Variants in FLG observed in about 807,000 individuals in gnomAD.
FLG encodes the protein epidermal filaggrin.
In FLG, 6 loss-of-function variants were observed where a neutral mutation model predicts 3.8. The observed-to-expected ratio is 1.60, with a 90% confidence interval of 0.87 to 3.15. The LOEUF is 3.15. Ranked by LOEUF, FLG falls within the 30% of genes most tolerant of loss-of-function variation. The pLI is 0.00. For missense variants in FLG, 7,595 were observed against 5,050.9 expected (o/e 1.50, Z -15.27); for synonymous variants, 2,551 against 1,931.6 (o/e 1.32, Z -8.41).
At position 152,304,788 on chromosome 1, in the gene FLG, C is replaced by A. The variant is rs763319301; in HGVS notation, c.10098G>T (p.Gln3366His). 3.7e-6 allele frequency: 6 copies of A among 1,613,892 alleles called. No homozygotes were observed. The South Asian group carries it at 6.6e-5, about 18-fold the overall frequency. ...SGHGQAGPHQ[Q>H]SHQESARDRS... ...GGTCACGTGCGGACTCTTGGTGGCT[C>A]TGCTGATGGGGCCCAGCCTGTCCAT... is the stretch of plus-strand genomic sequence containing the variant. Residue 3366 changes from glutamine to histidine, a missense_variant, in exon 3 of 3, where the codon CAG becomes CAT. Gln to His is a conservative substitution (Grantham distance 24). Coordinates refer to ENST00000368799, the MANE Select transcript of FLG (RefSeq NM_002016.2).
intron 1 of FLG, among the ~76,000 whole-genome samples, chr1:152,315,841 C>T (rs1012579491): frequency 3.9e-5 from 6 of 152,118 alleles, no homozygotes; most frequent in Non-Finnish European, 7.4e-5. Flanking sequence ...TACAAATTTA[C>T]TGAAAATTAC....
chr1:152,303,170 G>A lies in FLG; in HGVS notation c.11716C>T (p.His3906Tyr). Residue 3906 changes from histidine to tyrosine, a missense_variant, in exon 3 of 3, where the codon CAC (histidine) becomes TAC (tyrosine). His to Tyr is a moderately conservative substitution (Grantham distance 83). Transcript: ENST00000368799. ...RDGSRHPGSSHRDTASHVQSS... is the reference protein window; with the variant it reads ...RDGSRHPGSSYRDTASHVQSS... ...TGTACATGACTGGCTGTATCGCGGT[G>A]AGAGGATCCGGGGTGTCTGGAGCCA... 6.2e-7 allele frequency: 1 copy of A among 1,614,196 alleles called. No individual in the cohort carries two copies. Among genetic ancestry groups the A allele is most frequent in the East Asian group, 2.2e-5 (1 of 44,884 alleles).
chr1:152,310,809 G>C lies in FLG; in HGVS notation c.4077C>G (p.Ser1359=), dbSNP rs1652356287. 1 of 1,611,806 alleles carries C rather than the reference G, an allele frequency of 6.2e-7. No individual in the cohort carries two copies. Among genetic ancestry groups the C allele is most frequent in the African/African-American group, 1.3e-5 (1 of 74,838 alleles). ...AGCTGTCTGCTGACTGCTGGTGGCGGGATCCATGTCTTTCTCCTGGACTTG... is the reference window on the plus strand; with the variant it reads ...AGCTGTCTGCTGACTGCTGGTGGCGCGATCCATGTCTTTCTCCTGGACTTG... ...ARSSPGERHG[S]RHQQSADSSR... Residue 1359 remains serine (S), a synonymous_variant, in exon 3 of 3, where the codon TCC becomes TCG. Transcript: ENST00000368799.
rs1372192858 is a variant in FLG at position 152,303,814 on chromosome 1, C to T, written c.11072G>A (p.Ser3691Asn). The T allele has an allele frequency of 2.5e-6, 4 of 1,613,610 alleles. No homozygotes were observed. In the South Asian group the frequency reaches 3.3e-5, roughly 13 times the overall value. ...CCGGCCACGTGTGGACTCTTGGTGG[C>T]TCTGCTGATGGGGCCCAGCCTGTCC... ...AHGQAGPHQQ[S>N]HQESTRGRSA... The change falls in exon 3 of 3, where the codon AGC (serine) becomes AAC (asparagine). Residue 3691 changes from serine (S) to asparagine (N), a missense_variant. Transcript: ENST00000368799.
chr1:152,311,376 C>A lies in FLG; in HGVS notation c.3510G>T (p.Gly1170=). ...ATCCCTGCCTTCCTCCTCTCCTTGA[C>A]CCCGGGTGTGCACGAATGGTGTCCT... ...EGQDTIRAHP[G]SRRGGRQGSH... Residue 1170 remains glycine, a synonymous_variant, in exon 3 of 3, where the codon GGG becomes GGT. Coordinates refer to ENST00000368799, the MANE Select transcript of FLG (RefSeq NM_002016.2). 1.2e-6 allele frequency: 2 copies of A among 1,613,668 alleles called. No individual in the cohort carries two copies. Among genetic ancestry groups the A allele is most frequent in the Non-Finnish European group, 1.7e-6 (2 of 1,179,958 alleles).
Position 152,308,761 on chromosome 1 carries a change from CT to C in FLG, c.6124del (p.Ser2042ValfsTer53). On this transcript the variant is annotated frameshift_variant, in exon 3 of 3. Transcript: ENST00000368799. LOFTEE classifies it low-confidence loss of function (END_TRUNC). ...ATGTCCCTCACTGTCACTGGCCTGA[CT>C]ACCACTGTACCCTCGGTGTCCACTG... is the stretch of plus-strand genomic sequence containing the variant. ...RDSGHRGYSG[S>X]QASDSEGHSE... 1 of 1,614,184 alleles carries C rather than the reference CT, an allele frequency of 6.2e-7. No individual in the cohort carries two copies. The highest frequency in any genetic ancestry group is 1.3e-5 in the African/African-American group (1 of 75,054).
At position 152,309,993 on chromosome 1, in the gene FLG, C is replaced by T. The variant is rs376924209; in HGVS notation, c.4893G>A (p.Arg1631=). The T allele has an allele frequency of 2.7e-5, 44 of 1,613,758 alleles. No homozygotes were observed. The African/African-American group carries it at 3.1e-4, about 11-fold the overall frequency. The part of the protein sequence containing the change: ...SAREQSRHGS[R]NPRSHQEDRA... The stretch of plus-strand genomic sequence containing the variant: ...TATCTTCTTGATGGGACCTGGGGTT[C>T]CTGGAGCCATGTCTTGACTGCTCCC... Residue 1631 remains arginine, a synonymous_variant, in exon 3 of 3, where the codon AGG becomes AGA. Transcript: ENST00000368799.
rs756397270 is a variant in FLG, at chr1:152,312,337, C to T, written c.2549G>A (p.Arg850Lys). 10 of 1,612,822 alleles carry T rather than the reference C, an allele frequency of 6.2e-6. No individual in the cohort carries two copies. In the Middle Eastern group the frequency reaches 5.0e-4, roughly 80 times the overall value. ...CTCGTGGTGGGACCCCTGCCTTCCT[C>T]TTCTGCTTGACCCCGGGTGTCCACG... ...TIRGHPGSSR[R>K]GRQGSHHEQS... is the part of the protein sequence containing the mutation. Residue 850 changes from arginine (R) to lysine (K), a missense_variant, in exon 3 of 3, where the codon AGA becomes AAA. Arg to Lys is a conservative substitution (Grantham distance 26). Coordinates refer to ENST00000368799, the MANE Select transcript of FLG (RefSeq NM_002016.2).
In FLG at chr1:152,313,587, G is replaced by A. The variant is rs759739224; in HGVS notation, c.1299C>T (p.Asp433=). ...SDSEGHSENS[D]TQSVSGHGKA... ...TTCCGTGGCCTGACACTGATTGTGT[G>A]TCTGAGTTTTCTGAATGTCCCTCAC... Residue 433 remains aspartate, a synonymous_variant, in exon 3 of 3, where the codon GAC becomes GAT. Transcript: ENST00000368799. 38 of 1,613,812 alleles carry A rather than the reference G, an allele frequency of 2.4e-5. No individual in the cohort carries two copies. The Middle Eastern group carries it at 6.6e-4, about 28-fold the overall frequency.
Position 152,311,194 on chromosome 1 carries a change from C to T in FLG, c.3692G>A (p.Arg1231Lys), listed in dbSNP as rs112344919. The T allele has an allele frequency of 1.9e-6, 3 of 1,613,834 alleles. No individual in the cohort carries two copies. The highest frequency in any genetic ancestry group is 2.2e-5 in the East Asian group (1 of 44,800). The change falls in exon 3 of 3, where the codon AGG becomes AAG. Residue 1231 changes from arginine to lysine, a missense_variant. Physicochemically the swap from Arg to Lys is conservative, Grantham distance 26 (BLOSUM62 2). Coordinates refer to ENST00000368799, the MANE Select transcript of FLG (RefSeq NM_002016.2). ...RKDKQSGDGS[R>K]HSGSRHHEAA... ...TTCATGGTGACGTGACCCTGAGTGC[C>T]TGGAGCCGTCTCCTGATTGTTTGTC... is the stretch of plus-strand genomic sequence containing the variant.
chr1:152,318,677 C>T (rs1002260036), intron 1 of FLG, among the ~76,000 whole-genome samples: 2 of 151,868 alleles, frequency 1.3e-5, no homozygotes, highest in African/African-American at 4.8e-5. Context: ...AACCTTTTCT[C>T]AGAGCTTACA....
chr1:152,309,620 C>G lies in FLG; in HGVS notation c.5266G>C (p.Gly1756Arg). 1 of 1,614,004 alleles carries G rather than the reference C, an allele frequency of 6.2e-7. No individual in the cohort carries two copies. The highest frequency in any genetic ancestry group is 8.5e-7 in the Non-Finnish European group (1 of 1,179,990). ...SHQESTRGQSGERSGRSGSFL... is the reference protein window; with the variant it reads ...SHQESTRGQSRERSGRSGSFL... ...GACCCTGAACGTCCAGACCTTTCCC[C>G]TGACTGGCCACGTGTGGACTCTTGG... Residue 1756 changes from glycine (G) to arginine (R), a missense_variant, in exon 3 of 3, where the codon GGG (glycine) becomes CGG (arginine). Physicochemically the swap from Gly to Arg is moderately radical, Grantham distance 125. Transcript: ENST00000368799.
rs748295741 is a variant in FLG at position 152,310,862 on chromosome 1, C to A, written c.4024G>T (p.Ala1342Ser). Reference sequence around the variant, plus strand: ...CTTGCCTGTTCATGGGATGACACAGCCTGTCCATGAGAGGAAGACTCTGTG... The same window carrying A: ...CTTGCCTGTTCATGGGATGACACAGACTGTCCATGAGAGGAAGACTCTGTG... ...HHTESSSHGQ[A>S]VSSHEQARSS... The change falls in exon 3 of 3, where the codon GCT becomes TCT. Residue 1342 changes from alanine (A) to serine (S), a missense_variant. Coordinates refer to ENST00000368799, the MANE Select transcript of FLG (RefSeq NM_002016.2). The A allele has an allele frequency of 1.9e-6, 3 of 1,613,998 alleles. No individual in the cohort carries two copies. The highest frequency in any genetic ancestry group is 1.1e-5 in the South Asian group (1 of 91,072).
In FLG at chr1:152,310,813, C is replaced by T. The variant is rs375806668; in HGVS notation, c.4073G>A (p.Gly1358Glu). The T allele has an allele frequency of 6.2e-7, 1 of 1,611,988 alleles. No individual in the cohort carries two copies. Among genetic ancestry groups the T allele is most frequent in the Admixed American group, 1.7e-5 (1 of 59,470 alleles). ...QARSSPGERH[G>E]SRHQQSADSS... ...GTCTGCTGACTGCTGGTGGCGGGAT[C>T]CATGTCTTTCTCCTGGACTTGATCT... is the stretch of plus-strand genomic sequence containing the variant. The change falls in exon 3 of 3, where the codon GGA becomes GAA. Residue 1358 changes from glycine (G) to glutamate (E), a missense_variant. Coordinates refer to ENST00000368799, the MANE Select transcript of FLG (RefSeq NM_002016.2).
At chr1:152,321,867 C>A (rs1652989035) in intron 1 of FLG, among the ~76,000 whole-genome samples, 1 of 151,140 alleles carries the variant, frequency 6.6e-6, no homozygotes, top group African/African-American at 2.4e-5. Context: ...ATTTTCAGGA[C>A]AATTCCTTTC....
intron 1 of FLG, among the ~76,000 whole-genome samples, chr1:152,319,918 A>T (rs537254252): frequency 6.6e-6 from 1 of 151,560 alleles, no homozygotes; most frequent in African/African-American, 2.4e-5. Context: ...ATTGCATAAA[A>T]TAATAATAGT....
intron 1 of FLG, among the ~76,000 whole-genome samples, chr1:152,316,491 G>C (rs1652793437): frequency 6.6e-6 from 1 of 151,734 alleles, no homozygotes; most frequent in African/African-American, 2.4e-5. Flanking sequence ...TAAATTAATA[G>C]AATTACAAAT....
In FLG at chr1:152,308,418, T is replaced by G. The variant is rs765753934; in HGVS notation, c.6468A>C (p.Gln2156His). The stretch of plus-strand genomic sequence containing the variant: ...CTGAGTGTCCAGACCTATCTACCGA[T>G]TGCTCTTGGTGGGACCCCTGTCTTC... ...RGGRQGSHQE[Q>H]SVDRSGHSGS... is the part of the protein sequence containing the mutation. The change falls in exon 3 of 3, where the codon CAA becomes CAC. Residue 2156 changes from glutamine (Q) to histidine (H), a missense_variant. Coordinates refer to ENST00000368799, the MANE Select transcript of FLG (RefSeq NM_002016.2). 24 of 1,613,690 alleles carry G rather than the reference T, an allele frequency of 1.5e-5. No homozygotes were observed. Among genetic ancestry groups the G allele is most frequent in the Non-Finnish European group, 1.9e-5 (23 of 1,179,872 alleles).
rs1438770198 is a variant in FLG, at chr1:152,302,608, T to G, written c.*92A>C. ...TTTTAAACAGATTGACAGGAAAAGA[T>G]AACTTCCCTGAAAGTATTATGAAGT... On this transcript the variant is annotated 3_prime_UTR_variant, in exon 3 of 3. Transcript: ENST00000368799. 6.6e-7 allele frequency: 1 copy of G among 1,511,468 alleles called. No homozygotes were observed. Among genetic ancestry groups the G allele is most frequent in the Non-Finnish European group, 8.9e-7 (1 of 1,119,614 alleles). 93.6% of individuals were successfully genotyped at this position (1,511,468 alleles called of 1,614,324 possible).
Sources: allele counts gnomAD v4.1 joint callset (sites outside exome capture counted in the v4.1 genomes callset), GRCh38; gene constraint gnomAD v4.1.1; transcripts MANE v1.5; gene names NCBI Gene and HGNC (gene_info 2026-07-23, HGNC 2026-07-21).